Variants in ABCC4 observed in about 807,000 individuals in gnomAD.
ABCC4 encodes ATP-binding cassette sub-family C member 4.
In ABCC4, 102 loss-of-function variants were observed where a neutral mutation model predicts 168.5. The ratio of observed to expected loss-of-function variants is 0.61; its 90% confidence interval spans 0.52 to 0.71. The LOEUF is 0.71. ABCC4 is among the 30% of genes least tolerant of loss of function. The pLI is 0.00. For missense variants in ABCC4, 1,402 were observed against 1,605.8 expected, an observed-to-expected ratio of 0.87 and a Z score of 2.17; for synonymous variants, 617 against 590.7, an observed-to-expected ratio of 1.04 and a Z score of -0.65.
intron 30 of ABCC4, among the ~76,000 whole-genome samples, chr13:95,026,550 G>A (rs1378485401): frequency 6.6e-6 from 1 of 152,146 alleles, no homozygotes; most frequent in South Asian, 2.1e-4. Context: ...CTGAAAGACT[G>A]CACAATAATG....
intron 20 of ABCC4, among the ~76,000 whole-genome samples, chr13:95,102,659 G>A (rs1045346610): frequency 1.4e-5 from 2 of 145,568 alleles, no homozygotes; most frequent in Admixed American, 7.0e-5. Flanking sequence ...ATCGAGTCTC[G>A]CCCTGTCTGG....
rs1375462061 is a variant in ABCC4 at position 95,189,179 on chromosome 13, G to C, written c.1264-637C>G. Among the ~76,000 whole-genome samples, 11 of 140,990 alleles carry C rather than the reference G, an allele frequency of 7.8e-5. No homozygotes were observed. The East Asian group carries it at 2.3e-3, about 30-fold the overall frequency. 92.5% of individuals were successfully genotyped at this position (140,990 alleles called of 152,430 possible). A position where few individuals can be genotyped will look rare whatever the true frequency, so the allele number is the denominator to read the frequency against. On this transcript the variant is annotated intron_variant, in intron 9 of 30. Transcript: ENST00000645237. ...GACGGAGTCTCGTTCTGTCGCCCAG[G>C]CGGGAGTGCTGTGGCGCGATCTCCG...
At chr13:95,256,195 C>T (rs1450319378) in intron 1 of ABCC4, among the ~76,000 whole-genome samples, 2 of 152,126 alleles carry the variant, frequency 1.3e-5, no homozygotes, top group East Asian at 1.9e-4. Flanking sequence ...GCAACCCTCT[C>T]GCATAGCTGA....
rs145759664 is a variant in ABCC4 at position 95,148,600 on chromosome 13, A to G, written c.2455+12589T>C. Among the ~76,000 whole-genome samples, 56 of 134,472 alleles carry G rather than the reference A, an allele frequency of 4.2e-4. 1 individual carries two copies. The highest frequency in any genetic ancestry group is 3.9e-3 in the East Asian group (13 of 3,354). 88.2% of individuals were successfully genotyped at this position (134,472 alleles called of 152,430 possible). ...CTCCCCTACCCATCACAACACACACACACACACACACACACACACACACAC... is the reference window on the plus strand; with the variant it reads ...CTCCCCTACCCATCACAACACACACGCACACACACACACACACACACACAC... On this transcript the variant is annotated intron_variant, in intron 19 of 30. Coordinates refer to ENST00000645237, the MANE Select transcript of ABCC4 (RefSeq NM_005845.5).
rs773869967 is a variant in ABCC4 at position 95,034,677 on chromosome 13, C to G, written c.3798G>C (p.Glu1266Asp). 1.2e-6 allele frequency: 2 copies of G among 1,614,210 alleles called. No individual in the cohort carries two copies. Among genetic ancestry groups the G allele is most frequent in the Non-Finnish European group, 1.7e-6 (2 of 1,180,044 alleles). Reference sequence around the variant, plus strand: ...GTTGCACCATCTTGTAAAATAGGCTCTCTTTATTTTGCAGCAAAACATACG... The same window carrying G: ...GTTGCACCATCTTGTAAAATAGGCTGTCTTTATTTTGCAGCAAAACATACG... ...DEPYVLLQNK[E>D]SLFYKMVQQL... The change falls in exon 30 of 31, where the codon GAG becomes GAC. Residue 1266 changes from glutamate (E) to aspartate (D), a missense_variant. By Grantham distance (45) the Glu-to-Asp change is conservative. Transcript: ENST00000645237.
At chr13:95,034,574 C>G (rs1403511973) in intron 30 of ABCC4, 31 bp downstream of exon 30, 1 of 1,605,130 alleles carries the variant, frequency 6.2e-7, no homozygotes, top group Non-Finnish European at 8.5e-7. Context: ...CTGAGACAAA[C>G]TTTAATTACA....
intron 20 of ABCC4, among the ~76,000 whole-genome samples, chr13:95,107,895 C>T (rs1156892490): frequency 2.0e-5 from 3 of 152,076 alleles, no homozygotes; most frequent in African/African-American, 7.2e-5. Context: ...GCAGAGATCA[C>T]ACCACTGCAC....
chr13:95,095,825 G>A (rs2034576963), intron 20 of ABCC4: 1 of 252,296 alleles, frequency 4.0e-6, no homozygotes, highest in South Asian at 1.8e-4. Flanking sequence ...AAAAAGATAA[G>A]CATTAGTACA....
intron 21 of ABCC4, among the ~76,000 whole-genome samples, chr13:95,078,582 G>A (rs985146210): frequency 3.3e-5 from 5 of 152,196 alleles, no homozygotes; most frequent in Admixed American, 3.3e-4. Flanking sequence ...GAGAAAGGCT[G>A]GATGTTCTGC....
chr13:95,063,585 G>A (rs114607209), intron 25 of ABCC4, among the ~76,000 whole-genome samples: 468 of 152,228 alleles, frequency 3.1e-3, no homozygotes, highest in African/African-American at 0.011. Context: ...TGCTATTTAC[G>A]TAAGGCCTTT....
intron 1 of ABCC4, among the ~76,000 whole-genome samples, chr13:95,276,453 G>T (rs1382789017): frequency 3.4e-5 from 5 of 144,952 alleles, no homozygotes; most frequent in African/African-American, 1.3e-4. Flanking sequence ...GCTGCAATAA[G>T]CTGTGATCAT....
chr13:95,026,442 G>C (rs1009773835), intron 30 of ABCC4, among the ~76,000 whole-genome samples: 1 of 151,954 alleles, frequency 6.6e-6, no homozygotes, highest in Non-Finnish European at 1.5e-5. Context: ...ACATATACAT[G>C]ATAGATATTT....
At chr13:95,275,409 ATAACTGAGATT>A (rs1420049779) in intron 1 of ABCC4, among the ~76,000 whole-genome samples, 3 of 152,222 alleles carry the variant, frequency 2.0e-5, no homozygotes, top group Non-Finnish European at 4.4e-5. Context: ...CCGCAAGCTA[ATAACTGAGATT>A]GCTTAAGCTC....
chr13:95,145,768 A>G (rs758878741), intron 19 of ABCC4, among the ~76,000 whole-genome samples: 2 of 152,250 alleles, frequency 1.3e-5, no homozygotes, highest in Non-Finnish European at 2.9e-5. Flanking sequence ...CTACGCAGCC[A>G]TAGAAAAGAA....
chr13:95,287,581 C>T (rs1217740478), intron 1 of ABCC4, among the ~76,000 whole-genome samples: 1 of 148,886 alleles, frequency 6.7e-6, no homozygotes, highest in African/African-American at 2.5e-5. Flanking sequence ...GGCATGACTT[C>T]GTCTCAAAAA....
chr13:95,167,513 C>G (rs1029799482), intron 14 of ABCC4, among the ~76,000 whole-genome samples: 1 of 152,144 alleles, frequency 6.6e-6, no homozygotes, highest in South Asian at 2.1e-4. Context: ...TCCCCACCCC[C>G]AAAAGGTGGG....
chr13:95,074,259 T>C lies in ABCC4; in HGVS notation c.2872A>G (p.Met958Val), dbSNP rs112810906. 6.2e-7 allele frequency: 1 copy of C among 1,614,034 alleles called. No homozygotes were observed. The highest frequency in any genetic ancestry group is 1.1e-5 in the South Asian group (1 of 91,018). ...CCAAAGGCAACGATGATGACAAACATGGCACAGATGGCATCCAGACGGACG... is the reference window on the plus strand; with the variant it reads ...CCAAAGGCAACGATGATGACAAACACGGCACAGATGGCATCCAGACGGACG... ...FAVRLDAICA[M>V]FVIIVAFGSL... The change falls in exon 23 of 31, where the codon ATG becomes GTG. Residue 958 changes from methionine (M) to valine (V), a missense_variant. Met to Val is a conservative substitution (Grantham distance 21). Transcript: ENST00000645237.
intron 19 of ABCC4, among the ~76,000 whole-genome samples, chr13:95,128,718 C>A (rs909932489): frequency 6.6e-6 from 1 of 152,172 alleles, no homozygotes; most frequent in African/African-American, 2.4e-5. Context: ...ACCCACCATC[C>A]GTACAAGTTG....
intron 21 of ABCC4, among the ~76,000 whole-genome samples, chr13:95,082,268 G>C (rs1253695476): frequency 6.6e-6 from 1 of 152,068 alleles, no homozygotes; most frequent in Non-Finnish European, 1.5e-5. Flanking sequence ...CTCTCCTTAT[G>C]AGTTTGTGTT....
Sources: gnomAD v4.1 joint callset for allele counts (sites outside exome capture counted in the v4.1 genomes callset) on GRCh38, gnomAD v4.1.1 for gene constraint, MANE v1.5 for transcripts, NCBI Gene and HGNC (gene_info 2026-07-23, HGNC 2026-07-21) for gene names.